The following SDK1 variants were observed in gnomAD, a reference collection of about 807,000 sequenced individuals.
The protein encoded by SDK1 is sidekick cell adhesion molecule 1.
SDK1 carries 157 observed loss-of-function variants against 245.5 expected under a neutral mutation model. That is an observed-to-expected ratio of 0.64 (90% CI 0.56 to 0.73). The LOEUF (loss-of-function observed/expected upper bound fraction) is 0.73, where lower values mean the gene tolerates loss of function less well. Ranked by LOEUF, SDK1 falls within the 30% of genes least tolerant of loss-of-function variation. The pLI is 0.00. For synonymous variants in SDK1, 1,647 were observed against 1,278.5 expected, an observed-to-expected ratio of 1.29 and a Z score of -6.15; for missense variants, 3,583 against 3,002.3, an observed-to-expected ratio of 1.19 and a Z score of -4.52.
chr7:3,529,066 T>C (rs1006363169), intron 1 of SDK1, among the ~76,000 whole-genome samples: 1 of 152,052 alleles, frequency 6.6e-6, no homozygotes, highest in East Asian at 1.9e-4. Context: ...TAAAGGGAAC[T>C]AGGTTTATCA....
At chr7:3,786,949 A>G (rs1320211908) in intron 4 of SDK1, among the ~76,000 whole-genome samples, 1 of 152,112 alleles carries the variant, frequency 6.6e-6, no homozygotes, top group Non-Finnish European at 1.5e-5. Flanking sequence ...CAGATATCAA[A>G]GCAAATAGAA....
chr7:3,335,191 T>C (rs1259472374), intron 1 of SDK1, among the ~76,000 whole-genome samples: 1 of 152,214 alleles, frequency 6.6e-6, no homozygotes, highest in African/African-American at 2.4e-5. Context: ...ATCATGTCTT[T>C]CCACTGCTCA....
chr7:4,104,308 G>T (rs912383260), intron 22 of SDK1, among the ~76,000 whole-genome samples: 1 of 152,184 alleles, frequency 6.6e-6, no homozygotes, highest in Non-Finnish European at 1.5e-5. Context: ...CAAACCTCCC[G>T]CTTTGGCCTC....
intron 35 of SDK1, among the ~76,000 whole-genome samples, chr7:4,205,102 CCCAGGGGGAG>C (rs1784143388): frequency 7.0e-6 from 1 of 143,252 alleles, no homozygotes; most frequent in Non-Finnish European, 1.5e-5. Context: ...TGAGCTCCTC[CCCAGGGGGAG>C]CGAGGGGGCT....
intron 5 of SDK1, among the ~76,000 whole-genome samples, chr7:3,823,049 A>T (rs548318514): frequency 2.3e-4 from 35 of 152,246 alleles, no homozygotes; most frequent in Non-Finnish European, 2.8e-4. Flanking sequence ...GCACAGATTT[A>T]GGATGAGTGG....
At chr7:3,668,043 A>C (rs1783590319) in intron 4 of SDK1, among the ~76,000 whole-genome samples, 1 of 152,212 alleles carries the variant, frequency 6.6e-6, no homozygotes, top group African/African-American at 2.4e-5. Flanking sequence ...TCAGGGAAAT[A>C]ATCAGAAACT....
chr7:3,981,223 A>T (rs1184565099), intron 13 of SDK1, among the ~76,000 whole-genome samples: 1 of 152,112 alleles, frequency 6.6e-6, no homozygotes, highest in African/African-American at 2.4e-5. Flanking sequence ...GAATGTTACT[A>T]TTGTAATTGT....
At chr7:3,845,717 A>G (rs555132971) in intron 5 of SDK1, among the ~76,000 whole-genome samples, 2 of 151,122 alleles carry the variant, frequency 1.3e-5, no homozygotes, top group South Asian at 4.2e-4. Flanking sequence ...AAACAAATGC[A>G]GCCTAGTCAA....
intron 1 of SDK1, among the ~76,000 whole-genome samples, chr7:3,390,945 T>C (rs1781734121): frequency 6.6e-6 from 1 of 152,186 alleles, no homozygotes; most frequent in African/African-American, 2.4e-5. Context: ...ACAAATTAAT[T>C]TTTAAGCACC....
intron 4 of SDK1, among the ~76,000 whole-genome samples, chr7:3,692,038 A>G (rs571310550): frequency 6.6e-6 from 1 of 152,150 alleles, no homozygotes; most frequent in East Asian, 1.9e-4. Context: ...TGTACCAGGC[A>G]CTCAGAATAT....
intron 4 of SDK1, among the ~76,000 whole-genome samples, chr7:3,744,428 C>G (rs1562411663): frequency 6.6e-6 from 1 of 151,974 alleles, no homozygotes; most frequent in African/African-American, 2.4e-5. Flanking sequence ...TACTAGGTAT[C>G]CAGTAAATCC....
At chr7:3,561,750 C>T (rs1207374819) in intron 1 of SDK1, among the ~76,000 whole-genome samples, 3 of 152,194 alleles carry the variant, frequency 2.0e-5, no homozygotes, top group Admixed American at 2.0e-4. Flanking sequence ...ACAAAGAGCT[C>T]ACGTTCCCTT....
At chr7:3,383,478 T>A (rs1270631770) in intron 1 of SDK1, among the ~76,000 whole-genome samples, 1 of 152,170 alleles carries the variant, frequency 6.6e-6, no homozygotes, top group African/African-American at 2.4e-5. Context: ...GATAAAAAGA[T>A]GTGAAGCGGT....
intron 5 of SDK1, among the ~76,000 whole-genome samples, chr7:3,903,183 G>A (rs1781848879): frequency 6.8e-6 from 1 of 148,068 alleles, no homozygotes; most frequent in Admixed American, 6.8e-5. Context: ...AGACTCCGTC[G>A]CTCAGGCTAG....
intron 20 of SDK1, among the ~76,000 whole-genome samples, chr7:4,076,137 A>T (rs1780662935): frequency 6.6e-6 from 1 of 152,260 alleles, no homozygotes; most frequent in African/African-American, 2.4e-5. Context: ...AAACTTTTCC[A>T]GTGCATTGCA....
At chr7:3,728,873 T>C (rs1779090169) in intron 4 of SDK1, among the ~76,000 whole-genome samples, 1 of 152,180 alleles carries the variant, frequency 6.6e-6, no homozygotes, top group African/African-American at 2.4e-5. Flanking sequence ...CCCAAAGTGC[T>C]GTGGGTCCGT....
intron 1 of SDK1, among the ~76,000 whole-genome samples, chr7:3,609,435 C>G (rs1781523553): frequency 6.6e-6 from 1 of 152,192 alleles, no homozygotes; most frequent in African/African-American, 2.4e-5. Context: ...GAGTCTCACT[C>G]TGTTGCCCAG....
At chr7:3,936,723 GA>G (rs1047340645) in intron 5 of SDK1, among the ~76,000 whole-genome samples, 13 of 152,252 alleles carry the variant, frequency 8.5e-5, no homozygotes, top group South Asian at 6.2e-4. Flanking sequence ...CCAATGGGGG[GA>G]AAAAAAGAAG....
rs532906690 is a variant in SDK1 at position 3,607,075 on chromosome 7, G to A, written c.299-12005G>A. Among the ~76,000 whole-genome samples the A allele has an allele frequency of 9.9e-5, 15 of 152,142 alleles. No individual in the cohort carries two copies. The South Asian group carries it at 2.1e-3, about 21-fold the overall frequency. On this transcript the variant is annotated intron_variant, in intron 1 of 44. Transcript: ENST00000404826. ...CTTCAACTTCTCTCAATAGTGTAAT[G>A]TCATAGAAAGTGAAGTGGTTTGTGA...
Sources: allele counts gnomAD v4.1 joint callset (sites outside exome capture counted in the v4.1 genomes callset), GRCh38; gene constraint gnomAD v4.1.1; transcripts MANE v1.5; gene names NCBI Gene and HGNC (gene_info 2026-07-23, HGNC 2026-07-21).